The following ZNF407 variants were observed in gnomAD, a reference collection of about 807,000 sequenced individuals.
The protein encoded by ZNF407 is zinc finger protein 407.
In ZNF407, 17 loss-of-function variants were observed where a neutral mutation model predicts 131.2. That is an observed-to-expected ratio of 0.13 (90% CI 0.09 to 0.19). The LOEUF (loss-of-function observed/expected upper bound fraction) is 0.19, where lower values mean the gene tolerates loss of function less well. Ranked by LOEUF, ZNF407 falls within the 10% of genes least tolerant of loss-of-function variation. The pLI, the probability that ZNF407 is intolerant of heterozygous loss-of-function variation, is 1.00. For missense variants in ZNF407, 2,681 were observed against 2,830.6 expected (o/e 0.95, Z 1.20); for synonymous variants, 1,156 against 1,062.0 (o/e 1.09, Z -1.72).
chr18:75,035,011 A>G (rs1195251895), intron 8 of ZNF407, among the ~76,000 whole-genome samples: 1 of 152,218 alleles, frequency 6.6e-6, no homozygotes, highest in South Asian at 2.1e-4. Context: ...ATATTCACTC[A>G]TGAAAGAAAG....
chr18:75,014,832 G>A (rs1429653855), intron 8 of ZNF407, among the ~76,000 whole-genome samples: 2 of 152,056 alleles, frequency 1.3e-5, no homozygotes, highest in Non-Finnish European at 2.9e-5. Context: ...CTGTGCAGAT[G>A]AATAGAAAGT....
At chr18:74,891,917 T>C (rs999474143) in intron 7 of ZNF407, among the ~76,000 whole-genome samples, 1 of 152,144 alleles carries the variant, frequency 6.6e-6, no homozygotes, top group African/African-American at 2.4e-5. Context: ...TATTTTATTT[T>C]TTATACTTAA....
intron 3 of ZNF407, among the ~76,000 whole-genome samples, chr18:74,659,591 T>C (rs1985623705): frequency 6.6e-6 from 1 of 152,114 alleles, no homozygotes; most frequent in Non-Finnish European, 1.5e-5. Context: ...AGATAAAACA[T>C]TTGTGACTCT....
intron 1 of ZNF407, among the ~76,000 whole-genome samples, chr18:74,619,095 C>T (rs977755271): frequency 1.1e-4 from 17 of 152,258 alleles, no homozygotes; most frequent in East Asian, 1.9e-4. Context: ...CCCAGATTTA[C>T]GTTTTGGAAG....
intron 5 of ZNF407, among the ~76,000 whole-genome samples, chr18:74,879,582 G>T (rs1212175490): frequency 6.6e-6 from 1 of 152,114 alleles, no homozygotes; most frequent in Non-Finnish European, 1.5e-5. Flanking sequence ...ATAATTAAAT[G>T]AGTGATTATA....
At chr18:74,964,603 G>GTT (rs1599267427) in intron 8 of ZNF407, among the ~76,000 whole-genome samples, 2 of 143,412 alleles carry the variant, frequency 1.4e-5, no homozygotes, top group African/African-American at 2.6e-5. Context: ...TTTTTTTTGG[G>GTT]TCTTCTGAAC....
intron 8 of ZNF407, among the ~76,000 whole-genome samples, chr18:74,965,738 A>G (rs529958077): frequency 2.0e-4 from 31 of 152,292 alleles, no homozygotes; most frequent in African/African-American, 5.5e-4. Context: ...GGAAGTTCCA[A>G]ACTGTTCTCT....
chr18:74,698,800 CGG>C (rs1298223502), intron 3 of ZNF407, among the ~76,000 whole-genome samples: 2 of 152,082 alleles, frequency 1.3e-5, no homozygotes, highest in Non-Finnish European at 2.9e-5. Context: ...CCTGAGTAGC[CGG>C]GGGAGGTATA....
chr18:74,614,680 C>T (rs369721228), intron 1 of ZNF407, among the ~76,000 whole-genome samples: 16 of 152,150 alleles, frequency 1.1e-4, no homozygotes, highest in African/African-American at 2.4e-4. Flanking sequence ...GAATCTTTGA[C>T]GAGTAAGACC....
At chr18:74,866,500 C>G (rs906877227) in intron 4 of ZNF407, among the ~76,000 whole-genome samples, 1 of 152,058 alleles carries the variant, frequency 6.6e-6, no homozygotes, top group Non-Finnish European at 1.5e-5. Flanking sequence ...CAGTCACCAT[C>G]AGAGAGGACA....
intron 3 of ZNF407, among the ~76,000 whole-genome samples, chr18:74,723,291 A>G (rs1175344694): frequency 6.6e-6 from 1 of 152,028 alleles, no homozygotes; most frequent in Non-Finnish European, 1.5e-5. Context: ...TGTCATTTTC[A>G]TTGCTCCTTT....
At chr18:74,942,008 C>T (rs934952452) in intron 8 of ZNF407, among the ~76,000 whole-genome samples, 1 of 152,108 alleles carries the variant, frequency 6.6e-6, no homozygotes, top group South Asian at 2.1e-4. Context: ...TTGGATGCTC[C>T]ATGTGTTGGG....
chr18:74,641,870 A>G (rs1045428395), intron 3 of ZNF407, among the ~76,000 whole-genome samples: 3 of 152,204 alleles, frequency 2.0e-5, no homozygotes, highest in African/African-American at 7.2e-5. Context: ...TCTGATTAAA[A>G]GTCTATTTTA....
intron 7 of ZNF407, among the ~76,000 whole-genome samples, chr18:74,904,124 A>T (rs918095349): frequency 6.6e-6 from 1 of 152,202 alleles, no homozygotes; most frequent in African/African-American, 2.4e-5. Context: ...GGAGGCAACC[A>T]CTAAAGTCTG....
At chr18:74,675,973 T>C (rs939501010) in intron 3 of ZNF407, among the ~76,000 whole-genome samples, 1 of 152,200 alleles carries the variant, frequency 6.6e-6, no homozygotes, top group African/African-American at 2.4e-5. Flanking sequence ...ATTTAGGTAG[T>C]TTAAAAATAT....
chr18:74,880,308 C>T (rs978578410), intron 5 of ZNF407, among the ~76,000 whole-genome samples: 3 of 152,178 alleles, frequency 2.0e-5, no homozygotes, highest in African/African-American at 7.2e-5. Flanking sequence ...TTAACAAATA[C>T]TAAGTCTGCC....
Position 74,693,626 on chromosome 18 carries a change from A to C in ZNF407, c.4802+52504A>C, listed in dbSNP as rs186589920. 4.7e-3 allele frequency among the ~76,000 whole-genome samples: 713 copies of C among 152,068 alleles called. 7 individuals carry two copies. Among genetic ancestry groups the C allele is most frequent in the Non-Finnish European group, 6.4e-3 (435 of 67,954 alleles). The stretch of plus-strand genomic sequence containing the variant: ...GTCGTTTTGTTCCTCTGTATATATC[A>C]TGTTTCTGTTCACTAAGATTTCTCC... On this transcript the variant is annotated intron_variant, in intron 3 of 8. Coordinates refer to ENST00000299687, the MANE Select transcript of ZNF407 (RefSeq NM_017757.3).
intron 4 of ZNF407, among the ~76,000 whole-genome samples, chr18:74,876,958 G>C (rs943694862): frequency 1.4e-4 from 21 of 152,222 alleles, no homozygotes; most frequent in African/African-American, 4.6e-4. Context: ...TGACTGGACT[G>C]TAACAGAATT....
chr18:74,617,687 CTG>C (rs1331359033), intron 1 of ZNF407, among the ~76,000 whole-genome samples: 2 of 152,186 alleles, frequency 1.3e-5, no homozygotes, highest in African/African-American at 4.8e-5. Context: ...TGGAGACACA[CTG>C]TGTCCATCTG....
Sources: gnomAD v4.1 joint callset for allele counts (sites outside exome capture counted in the v4.1 genomes callset) on GRCh38, gnomAD v4.1.1 for gene constraint, MANE v1.5 for transcripts, NCBI Gene and HGNC (gene_info 2026-07-23, HGNC 2026-07-21) for gene names.